The following MTUS2 variants were observed in gnomAD, a reference collection of about 807,000 sequenced individuals.
MTUS2 encodes microtubule associated scaffold protein 2.
Under a neutral mutation model 114.1 loss-of-function variants are expected in MTUS2, and 40 were observed. The ratio of observed to expected loss-of-function variants is 0.35; its 90% confidence interval spans 0.27 to 0.46. The LOEUF (loss-of-function observed/expected upper bound fraction) is 0.46. Ranked by LOEUF, MTUS2 falls within the 20% of genes least tolerant of loss-of-function variation. The pLI is 1.00. For synonymous variants in MTUS2, 688 were observed against 672.0 expected (o/e 1.02, Z -0.37); for missense variants, 1,679 against 1,705.4 (o/e 0.98, Z 0.27).
rs1017130185 is a variant in MTUS2 at position 29,281,281 on chromosome 13, T to A, written c.2645-423T>A. ...ATGTGTATATTCCTATTCTCACTTC[T>A]CCTGGGTCACTCACGCTGTATTTCA... On this transcript the variant is annotated intron_variant, in intron 5 of 15. Coordinates refer to ENST00000612955, the MANE Select transcript of MTUS2 (RefSeq NM_001033602.4). Among the ~76,000 whole-genome samples the A allele has an allele frequency of 2.8e-4, 42 of 152,318 alleles. 1 individual carries two copies. The highest frequency in any genetic ancestry group is 6.8e-3 in the Middle Eastern group (2 of 294).
At chr13:28,915,961 A>G (rs1467723059) in intron 2 of MTUS2, among the ~76,000 whole-genome samples, 1 of 151,758 alleles carries the variant, frequency 6.6e-6, no homozygotes, top group African/African-American at 2.4e-5. Context: ...ATCTATTTTT[A>G]TGTGATTTTT....
intron 2 of MTUS2, among the ~76,000 whole-genome samples, chr13:28,938,053 A>G (rs994935767): frequency 1.3e-5 from 2 of 152,192 alleles, no homozygotes; most frequent in African/African-American, 4.8e-5. Flanking sequence ...TGAGAATATA[A>G]CAAAGTGTAA....
At chr13:28,983,373 T>G (rs1884443035) in intron 2 of MTUS2, among the ~76,000 whole-genome samples, 1 of 152,244 alleles carries the variant, frequency 6.6e-6, no homozygotes, top group South Asian at 2.1e-4. Context: ...GTGGCTGTTG[T>G]GCACTTCCAA....
chr13:29,444,582 A>T (rs1055089477), intron 9 of MTUS2, among the ~76,000 whole-genome samples: 3 of 152,232 alleles, frequency 2.0e-5, no homozygotes, highest in Non-Finnish European at 4.4e-5. Context: ...CATTTTTTTT[A>T]AAGCCCCCTT....
chr13:29,010,880 G>A (rs1885809297), intron 2 of MTUS2, among the ~76,000 whole-genome samples: 1 of 152,138 alleles, frequency 6.6e-6, no homozygotes, highest in Non-Finnish European at 1.5e-5. Context: ...AGATGGTGGA[G>A]GACTATGTGG....
At chr13:28,971,770 C>CT (rs545330516) in intron 2 of MTUS2, among the ~76,000 whole-genome samples, 106 of 152,302 alleles carry the variant, frequency 7.0e-4, no homozygotes, top group African/African-American at 2.5e-3. Context: ...GACAAAGAAA[C>CT]TGAGTTTCAA....
chr13:29,026,252 G>A lies in MTUS2; in HGVS notation c.1554G>A (p.Lys518=), dbSNP rs777937026. The change falls in exon 3 of 16, where the codon AAG becomes AAA. Residue 518 remains lysine, a synonymous_variant. Coordinates refer to ENST00000612955, the MANE Select transcript of MTUS2 (RefSeq NM_001033602.4). The part of the protein sequence containing the change: ...ENRNLLENAD[K]IESTSARADS... ...GGAACCTTCTAGAGAATGCAGATAA[G>A]ATTGAAAGCACCTCAGCAAGAGCAG... The A allele has an allele frequency of 1.2e-6, 2 of 1,613,960 alleles. No individual in the cohort carries two copies. Among genetic ancestry groups the A allele is most frequent in the Non-Finnish European group, 1.7e-6 (2 of 1,179,888 alleles).
At chr13:28,889,079 A>G (rs1335034815) in intron 2 of MTUS2, among the ~76,000 whole-genome samples, 2 of 152,204 alleles carry the variant, frequency 1.3e-5, no homozygotes, top group Non-Finnish European at 2.9e-5. Context: ...AGGGTGCTTC[A>G]TAGAATCCAT....
At chr13:28,859,910 T>A (rs1876865349) in intron 2 of MTUS2, among the ~76,000 whole-genome samples, 1 of 152,154 alleles carries the variant, frequency 6.6e-6, no homozygotes, top group South Asian at 2.1e-4. Flanking sequence ...AGGGTTTTAT[T>A]TCAGAATTAA....
At chr13:29,462,754 T>C (rs1429760831) in intron 9 of MTUS2, among the ~76,000 whole-genome samples, 1 of 151,928 alleles carries the variant, frequency 6.6e-6, no homozygotes, top group Non-Finnish European at 1.5e-5. Flanking sequence ...TTGTTCTGCT[T>C]GAGAAAGATG....
chr13:29,235,822 C>T lies in MTUS2; in HGVS notation c.2645-45882C>T, dbSNP rs114439263. Among the ~76,000 whole-genome samples the T allele has an allele frequency of 7.1e-3, 1,081 of 152,266 alleles. 14 individuals carry two copies. Among genetic ancestry groups the T allele is most frequent in the African/African-American group, 0.024 (997 of 41,556 alleles). On this transcript the variant is annotated intron_variant, in intron 5 of 15. Transcript: ENST00000612955. ...GCATATTAATTCTTTATGATTCACT[C>T]ATGACCATTTTGGCCTGGAGCTTAT...
At chr13:29,201,378 T>G (rs1894950690) in intron 5 of MTUS2, among the ~76,000 whole-genome samples, 1 of 152,106 alleles carries the variant, frequency 6.6e-6, no homozygotes, top group African/African-American at 2.4e-5. Flanking sequence ...AATTCCTCAA[T>G]TTTTTTGTTT....
chr13:29,374,043 G>A (rs779434116), intron 8 of MTUS2, among the ~76,000 whole-genome samples: 4 of 152,188 alleles, frequency 2.6e-5, no homozygotes, highest in Non-Finnish European at 5.9e-5. Flanking sequence ...GAAGAAACAA[G>A]TGGAAATTTT....
intron 5 of MTUS2, among the ~76,000 whole-genome samples, chr13:29,253,914 G>A (rs1897211861): frequency 6.6e-6 from 1 of 152,144 alleles, no homozygotes; most frequent in South Asian, 2.1e-4. Flanking sequence ...CACGAGAACA[G>A]CACGGGAAAG....
chr13:28,832,878 A>C (rs1874800791), intron 1 of MTUS2, among the ~76,000 whole-genome samples: 2 of 151,882 alleles, frequency 1.3e-5, no homozygotes, highest in South Asian at 4.1e-4. Context: ...AGTTATTAAA[A>C]TCAGAATAAA....
intron 2 of MTUS2, among the ~76,000 whole-genome samples, chr13:28,934,857 T>A (rs1881805580): frequency 6.6e-6 from 1 of 152,180 alleles, no homozygotes; most frequent in Non-Finnish European, 1.5e-5. Flanking sequence ...ATATCTTACA[T>A]GTATAACCCA....
intron 8 of MTUS2, among the ~76,000 whole-genome samples, chr13:29,439,751 A>G (rs964881716): frequency 1.3e-5 from 2 of 152,204 alleles, no homozygotes; most frequent in African/African-American, 4.8e-5. Context: ...ACAAAAACAC[A>G]ACCACGGGTA....
chr13:29,441,796 C>T (rs371667889), intron 9 of MTUS2, among the ~76,000 whole-genome samples: 4 of 152,206 alleles, frequency 2.6e-5, no homozygotes, highest in Admixed American at 6.5e-5. Context: ...CACACACATG[C>T]ACACATGGGA....
chr13:28,823,536 C>T (rs1457774638), intron 1 of MTUS2, among the ~76,000 whole-genome samples: 3 of 152,206 alleles, frequency 2.0e-5, no homozygotes, highest in African/African-American at 7.2e-5. Context: ...TATCTACCAT[C>T]CACCCACCCA....
Sources: allele counts gnomAD v4.1 joint callset (sites outside exome capture counted in the v4.1 genomes callset), GRCh38; gene constraint gnomAD v4.1.1; transcripts MANE v1.5; gene names NCBI Gene and HGNC (gene_info 2026-07-23, HGNC 2026-07-21).